GUCY2F: variants seen among roughly 807,000 people sequenced by gnomAD.
The protein encoded by GUCY2F is guanylate cyclase 2F, retinal, also known as retinal guanylyl cyclase 2.
In GUCY2F, 61 loss-of-function variants were observed where a neutral mutation model predicts 73.1. The observed-to-expected ratio is 0.83, with a 90% CI of 0.68 to 1.03. The LOEUF (loss-of-function observed/expected upper bound fraction) is 1.03. Ranked by LOEUF, GUCY2F falls within the 50% of genes least tolerant of loss-of-function variation. GUCY2F has a pLI of 0.00. For synonymous variants in GUCY2F, 331 were observed against 307.8 expected (o/e 1.08, Z -0.79); for missense variants, 912 against 854.3 (o/e 1.07, Z -0.84).
chrX:109,401,586 G>C (rs1327343174), intron 10 of GUCY2F, among the ~76,000 whole-genome samples: 1 of 111,888 alleles, frequency 8.9e-6, no homozygotes. Context: ...AACTGTGAAA[G>C]GCACTGAGAA....
chrX:109,398,342 A>G (rs1217821764), intron 11 of GUCY2F, among the ~76,000 whole-genome samples: 1 of 111,806 alleles, frequency 8.9e-6, no homozygotes, highest in Non-Finnish European at 1.9e-5. Context: ...CACAGTCTGA[A>G]AAAAGGCCAG....
intron 16 of GUCY2F, 90 bp downstream of exon 16, chrX:109,385,094 T>G: frequency 2.2e-6 from 1 of 456,599 alleles, no homozygotes; most frequent in Non-Finnish European, 3.9e-6. Context: ...AAACATCAAG[T>G]ATCCTGCTCT....
At position 109,475,525 on chromosome X, in the gene GUCY2F, G is replaced by A. The variant is rs756090705; in HGVS notation, c.412C>T (p.Leu138=). 7 of 1,208,424 alleles carry A rather than the reference G, an allele frequency of 5.8e-6. No homozygotes were observed. Among genetic ancestry groups the A allele is most frequent in the Non-Finnish European group, 7.8e-6 (7 of 893,852 alleles). ...ATTCCTTTGTCCCAGCTGTTTCCCA[G>A]GAGCGAGGCTGCCTCGCAGTAGCCA... ...NPGYCEAASL[L]GNSWDKGIFS... is the part of the protein sequence containing the mutation. The change falls in exon 2 of 20, where the codon CTG becomes TTG. Residue 138 remains leucine, a synonymous_variant. Coordinates refer to ENST00000218006, the MANE Select transcript of GUCY2F (RefSeq NM_001522.3).
At chrX:109,443,825 T>C (rs1931932063) in intron 6 of GUCY2F, among the ~76,000 whole-genome samples, 1 of 112,501 alleles carries the variant, frequency 8.9e-6, no homozygotes. Context: ...TTTATTGCTT[T>C]TGACTGAAAC....
chrX:109,396,236 G>A (rs1041457122), intron 11 of GUCY2F, among the ~76,000 whole-genome samples: 1 of 110,737 alleles, frequency 9.0e-6, no homozygotes, highest in African/African-American at 3.3e-5. Context: ...AAATGTCTCA[G>A]ACTTCACGTG....
intron 8 of GUCY2F, among the ~76,000 whole-genome samples, chrX:109,418,419 GT>G (rs1306386418): frequency 9.0e-6 from 1 of 111,646 alleles, no homozygotes; most frequent in Non-Finnish European, 1.9e-5. Context: ...TATGGCCAAA[GT>G]TTTTGATAAA....
intron 6 of GUCY2F, among the ~76,000 whole-genome samples, chrX:109,445,691 GC>G (rs1174937308): frequency 1.3e-4 from 15 of 111,565 alleles, no homozygotes; most frequent in African/African-American, 4.6e-4. Flanking sequence ...AAAACTGGAA[GC>G]ATTCCCTTTG....
intron 8 of GUCY2F, 140 bp from the exon 9 acceptor site, chrX:109,409,308 C>T: frequency 2.3e-6 from 1 of 426,127 alleles, no homozygotes; most frequent in South Asian, 4.2e-5. Flanking sequence ...TGATGATCTC[C>T]AACCCCTAGT....
chrX:109,396,091 C>T (rs1292353914), intron 11 of GUCY2F, among the ~76,000 whole-genome samples: 3 of 111,970 alleles, frequency 2.7e-5, no homozygotes, highest in Non-Finnish European at 5.6e-5. Flanking sequence ...GGTAGGCACT[C>T]TTATTTTAAT....
intron 3 of GUCY2F, among the ~76,000 whole-genome samples, chrX:109,456,671 G>C (rs13340735): frequency 0.072 from 8,045 of 111,125 alleles, 741 homozygotes; most frequent in African/African-American, 0.25. Context: ...AGCCACAAAA[G>C]TATGGTAGAG....
intron 15 of GUCY2F, among the ~76,000 whole-genome samples, chrX:109,388,128 G>T (rs897792256): frequency 9.0e-6 from 1 of 111,700 alleles, no homozygotes; most frequent in Admixed American, 9.5e-5. Context: ...AGAGGAGCTA[G>T]TAGGTAATGA....
chrX:109,457,606 G>T (rs1932286044), intron 3 of GUCY2F, among the ~76,000 whole-genome samples: 1 of 111,536 alleles, frequency 9.0e-6, no homozygotes, highest in African/African-American at 3.3e-5. Context: ...TGTATAGAAT[G>T]GGGTAGAAAG....
chrX:109,453,917 T>TTTGTCCA (rs1932199150), intron 3 of GUCY2F, 58 bp from the exon 4 acceptor site: 1 of 634,637 alleles, frequency 1.6e-6, no homozygotes, highest in African/African-American at 2.3e-5. Context: ...GATCTCAGAG[T>TTTGTCCA]ATATTCCAAG....
intron 16 of GUCY2F, among the ~76,000 whole-genome samples, chrX:109,382,743 A>C (rs1302931139): frequency 8.9e-6 from 1 of 112,546 alleles, no homozygotes; most frequent in Admixed American, 9.4e-5. Flanking sequence ...AAGACTGTAC[A>C]TTTATAGCTG....
At chrX:109,412,321 G>A (rs1006693986) in intron 8 of GUCY2F, among the ~76,000 whole-genome samples, 1 of 111,511 alleles carries the variant, frequency 9.0e-6, no homozygotes, top group African/African-American at 3.3e-5. Context: ...CATTTATTGA[G>A]ATGAATTACA....
At chrX:109,461,836 T>C (rs1395300290) in intron 3 of GUCY2F, among the ~76,000 whole-genome samples, 1 of 112,479 alleles carries the variant, frequency 8.9e-6, no homozygotes, top group Non-Finnish European at 1.9e-5. Flanking sequence ...GTGTTCTATC[T>C]TGGGTTCAAC....
At chrX:109,470,849 C>T (rs1003802719) in intron 2 of GUCY2F, among the ~76,000 whole-genome samples, 2 of 111,476 alleles carry the variant, frequency 1.8e-5, no homozygotes, top group African/African-American at 6.5e-5. Context: ...TTCTCATTCA[C>T]CAGTTGTATG....
At chrX:109,481,215 G>A (rs1294933361) in intron 1 of GUCY2F, among the ~76,000 whole-genome samples, 2 of 111,475 alleles carry the variant, frequency 1.8e-5, no homozygotes, top group Non-Finnish European at 3.8e-5. Flanking sequence ...TCTTTCCTGG[G>A]GTTAATGGGA....
At chrX:109,476,190 T>C (rs1932693062) in intron 1 of GUCY2F, among the ~76,000 whole-genome samples, 169 bp from the exon 2 acceptor site, 1 of 110,579 alleles carries the variant, frequency 9.0e-6, no homozygotes, top group Non-Finnish European at 1.9e-5. Context: ...CGTATCTCAG[T>C]ACATGGCACA....
Sources: gnomAD v4.1 joint callset for allele counts (sites outside exome capture counted in the v4.1 genomes callset) on GRCh38, gnomAD v4.1.1 for gene constraint, MANE v1.5 for transcripts, NCBI Gene and HGNC (gene_info 2026-07-23, HGNC 2026-07-21) for gene names.